The following HEMK2 variants were observed in gnomAD, a reference collection of about 807,000 sequenced individuals.
HEMK2 encodes the protein HemK methyltransferase 2, ETF1 glutamine and histone H4 lysine.
chr21:28,792,108 G>C, the HEMK2 span, among the ~76,000 whole-genome samples: 7 of 152,064 alleles, frequency 4.6e-5, no homozygotes, highest in Non-Finnish European at 8.8e-5. Context: ...GGTAGTATCT[G>C]GAAATTACCC....
chr21:28,774,768 G>C, the HEMK2 span, among the ~76,000 whole-genome samples: 1 of 152,028 alleles, frequency 6.6e-6, no homozygotes, highest in Non-Finnish European at 1.5e-5. Context: ...ATCTATTTTT[G>C]AATACGTAAG....
chr21:28,841,153 AT>A, the HEMK2 span, among the ~76,000 whole-genome samples: 1 of 18,982 alleles, frequency 5.3e-5, no homozygotes, highest in African/African-American at 3.3e-4. Flanking sequence ...TATAATTATA[AT>A]TTATATATAA....
the HEMK2 span, among the ~76,000 whole-genome samples, chr21:28,878,689 T>C: frequency 1.1e-4 from 16 of 151,810 alleles, no homozygotes; most frequent in African/African-American, 3.4e-4. Flanking sequence ...TTTGAGAACA[T>C]TGCCCTGCGT....
the HEMK2 span, among the ~76,000 whole-genome samples, chr21:28,703,653 A>G: frequency 6.6e-6 from 1 of 152,202 alleles, no homozygotes; most frequent in African/African-American, 2.4e-5. Flanking sequence ...TGCTCTATCC[A>G]TGGGTCCAAG....
At chr21:28,864,789 G>A in the HEMK2 span, among the ~76,000 whole-genome samples, 2 of 150,782 alleles carry the variant, frequency 1.3e-5, no homozygotes, top group Admixed American at 1.3e-4. Flanking sequence ...AAGTCACCTC[G>A]ACTCCTACCT....
the HEMK2 span, among the ~76,000 whole-genome samples, chr21:28,877,243 AG>A: frequency 1.1e-4 from 15 of 131,290 alleles, no homozygotes; most frequent in South Asian, 2.9e-4. Context: ...AAGGAAGGGA[AG>A]GGAAGGGAAG....
the HEMK2 span, among the ~76,000 whole-genome samples, chr21:28,592,805 A>C: frequency 6.6e-6 from 1 of 152,176 alleles, no homozygotes; most frequent in Non-Finnish European, 1.5e-5. Flanking sequence ...TGATCCAGCT[A>C]TTCTTGGGTT....
At chr21:28,674,423 G>A in the HEMK2 span, among the ~76,000 whole-genome samples, 1 of 152,022 alleles carries the variant, frequency 6.6e-6, no homozygotes, top group Non-Finnish European at 1.5e-5. Context: ...CCCTGTCTTG[G>A]AGTCTGGATC....
the HEMK2 span, among the ~76,000 whole-genome samples, chr21:28,661,928 C>T: frequency 9.9e-5 from 15 of 152,130 alleles, no homozygotes; most frequent in Admixed American, 9.2e-4. Flanking sequence ...CCCATTCTCT[C>T]TCTGTTAGTT....
chr21:28,785,994 T>C, the HEMK2 span, among the ~76,000 whole-genome samples: 1 of 152,220 alleles, frequency 6.6e-6, no homozygotes, highest in Admixed American at 6.5e-5. Context: ...ACTTTCCTTG[T>C]GGTCTTTCAC....
the HEMK2 span, among the ~76,000 whole-genome samples, chr21:28,842,759 T>C: frequency 2.1e-4 from 32 of 152,280 alleles, no homozygotes; most frequent in Admixed American, 2.0e-3. Flanking sequence ...GGGACCTCGT[T>C]ATGAATGATG....
At chr21:28,685,930 T>C in the HEMK2 span, among the ~76,000 whole-genome samples, 1 of 152,220 alleles carries the variant, frequency 6.6e-6, no homozygotes, top group African/African-American at 2.4e-5. Context: ...ACAGGGTCCC[T>C]GTATTCAGGT....
At chr21:28,856,345 G>A in the HEMK2 span, among the ~76,000 whole-genome samples, 1 of 151,966 alleles carries the variant, frequency 6.6e-6, no homozygotes, top group African/African-American at 2.4e-5. Flanking sequence ...AACCTGGGAG[G>A]TGGAGGTTGC....
chr21:28,869,763 T>C, the HEMK2 span, among the ~76,000 whole-genome samples: 1 of 152,324 alleles, frequency 6.6e-6, no homozygotes, highest in South Asian at 2.1e-4. Flanking sequence ...GCACATTAGA[T>C]TATAAAATGC....
the HEMK2 span, among the ~76,000 whole-genome samples, chr21:28,850,948 T>C: frequency 7.8e-6 from 1 of 128,004 alleles, no homozygotes; most frequent in African/African-American, 3.2e-5. Flanking sequence ...TTTGAGCCAC[T>C]TCCTCCTGTA....
At chr21:28,595,924 A>G in the HEMK2 span, among the ~76,000 whole-genome samples, 2 of 151,904 alleles carry the variant, frequency 1.3e-5, no homozygotes, top group Non-Finnish European at 2.9e-5. Flanking sequence ...AGCTGGGACT[A>G]CAGGCACCTG....
chr21:28,669,557 G>A, the HEMK2 span, among the ~76,000 whole-genome samples: 33 of 152,240 alleles, frequency 2.2e-4, no homozygotes, highest in East Asian at 3.5e-3. Flanking sequence ...AGCTTAAACC[G>A]TGTTCCTGCT....
chr21:28,873,205 T>C, the HEMK2 span: 1 of 152,206 alleles, frequency 6.6e-6, no homozygotes, highest in African/African-American at 2.4e-5. Context: ...CTCCTTGATA[T>C]CCCATAACTT....
the HEMK2 span, among the ~76,000 whole-genome samples, chr21:28,755,040 C>A: frequency 6.6e-6 from 1 of 152,140 alleles, no homozygotes; most frequent in African/African-American, 2.4e-5. Context: ...GTTGGCCAGG[C>A]AGAGCTGAGG....
Sources: allele counts gnomAD v4.1 joint callset (sites outside exome capture counted in the v4.1 genomes callset), GRCh38; gene constraint gnomAD v4.1.1; transcripts MANE v1.5; gene names NCBI Gene and HGNC (gene_info 2026-07-23, HGNC 2026-07-21).